PLD2: variants seen among roughly 807,000 people sequenced by gnomAD.
The protein encoded by PLD2 is choline phosphatase 2.
A neutral mutation model predicts 119.8 loss-of-function variants in PLD2; 101 were observed. The ratio of observed to expected loss-of-function variants is 0.84; its 90% CI spans 0.72 to 0.99. The LOEUF (loss-of-function observed/expected upper bound fraction) is 0.99. Among genes scored for constraint, PLD2 ranks in the 50% least tolerant of loss-of-function variants. The pLI, the probability that PLD2 is intolerant of heterozygous loss-of-function variation, is 0.00. For missense variants in PLD2, 1,164 were observed against 1,226.8 expected, an observed-to-expected ratio of 0.95 and a Z score of 0.76; for synonymous variants, 494 against 482.8, an observed-to-expected ratio of 1.02 and a Z score of -0.30.
At position 4,808,670 on chromosome 17, in the gene PLD2, G is replaced by T. The variant is rs1251736120; in HGVS notation, c.383+254G>T. On this transcript the variant is annotated intron_variant, in intron 4 of 24. Transcript: ENST00000263088. This position sits in a 1 kb window ranked among gnomAD's most constrained non-coding sequence, Gnocchi z 4.1. ...TTTTCTAGTCTCCATTCCCAGGGTA[G>T]GGGGCCTCCGTTTTGCCAGCCTCTA... 6.6e-6 allele frequency among the ~76,000 whole-genome samples: 1 copy of T among 152,132 alleles called. No homozygotes were observed. The highest frequency in any genetic ancestry group is 1.5e-5 in the Non-Finnish European group (1 of 68,016).
intron 24 of PLD2, 80 bp downstream of exon 24, chr17:4,821,987 C>A: frequency 2.3e-6 from 2 of 857,018 alleles, no homozygotes; most frequent in Non-Finnish European, 2.0e-6. Flanking sequence ...TGGAGAGAAG[C>A]GCCACCATAC....
At chr17:4,811,353 T>A (rs1906456143) in intron 10 of PLD2, among the ~76,000 whole-genome samples, 2 of 142,628 alleles carry the variant, frequency 1.4e-5, no homozygotes, top group South Asian at 4.5e-4. Context: ...CTCGGCTCAC[T>A]GCAACCTCCG....
At chr17:4,813,099 C>T (rs1227367048) in intron 10 of PLD2, among the ~76,000 whole-genome samples, 1 of 151,982 alleles carries the variant, frequency 6.6e-6, no homozygotes, top group Non-Finnish European at 1.5e-5. Flanking sequence ...AGTCTCTGCC[C>T]CCTGGGTTCA....
intron 17 of PLD2, 161 bp downstream of exon 17, chr17:4,817,420 T>C (rs1378898966): frequency 1.6e-6 from 1 of 636,046 alleles, no homozygotes; most frequent in African/African-American, 1.8e-5. Flanking sequence ...CCCAGCACTT[T>C]GGAAGGCCAA....
rs150892410 is a variant in PLD2 at position 4,818,882 on chromosome 17, G to A, written c.2173+59G>A. Reference sequence around the variant, plus strand: ...GCCCCTGGGAGAGGGAGATTGGGGCGCTGCAGGCCTGGGGGTGGGGGAAGG... The same window carrying A: ...GCCCCTGGGAGAGGGAGATTGGGGCACTGCAGGCCTGGGGGTGGGGGAAGG... On this transcript the variant is annotated intron_variant, in intron 21 of 24. Transcript: ENST00000263088. 257 of 1,564,484 alleles carry A rather than the reference G, an allele frequency of 1.6e-4. No homozygotes were observed. In the African/African-American group the frequency reaches 2.6e-3, roughly 16 times the overall value.
At chr17:4,818,911 C>A in intron 21 of PLD2, 88 bp downstream of exon 21, 2 of 1,493,376 alleles carry the variant, frequency 1.3e-6, no homozygotes, top group Non-Finnish European at 1.8e-6. Context: ...GGGAAGGAGG[C>A]TGTCACTCCT....
Position 4,814,504 on chromosome 17 carries a change from G to C in PLD2, c.1094+3G>C, listed in dbSNP as rs1469114427. On this transcript the variant is annotated splice_donor_region_variant and intron_variant, in intron 11 of 24. Coordinates refer to ENST00000263088, the MANE Select transcript of PLD2 (RefSeq NM_002663.5). ...GAGATTTTCATCACAGACTGGTGGT[G>C]AGTGGGAAAAGGCCCCAACAACATG... 6.2e-7 allele frequency: 1 copy of C among 1,613,056 alleles called. No individual in the cohort carries two copies. Among genetic ancestry groups the C allele is most frequent in the African/African-American group, 1.3e-5 (1 of 74,890 alleles).
chr17:4,821,679 G>C (rs149450316), intron 23 of PLD2, 114 bp from the exon 24 acceptor site: 1 of 720,172 alleles, frequency 1.4e-6, no homozygotes, highest in African/African-American at 1.8e-5. Context: ...ACAGGCGTGA[G>C]CCACCGCACC....
At chr17:4,821,607 C>T in intron 23 of PLD2, 186 bp from the exon 24 acceptor site, 1 of 475,686 alleles carries the variant, frequency 2.1e-6, no homozygotes, top group Non-Finnish European at 3.8e-6. Flanking sequence ...ATTGCCCAGG[C>T]TGGTCTTGAA....
Position 4,818,119 on chromosome 17 carries a change from G to T in PLD2, c.1920+13G>T. 6.3e-7 allele frequency: 1 copy of T among 1,584,296 alleles called. No individual in the cohort carries two copies. Among genetic ancestry groups the T allele is most frequent in the Non-Finnish European group, 8.7e-7 (1 of 1,152,868 alleles). The stretch of plus-strand genomic sequence containing the variant: ...CCTCTACATTGAGGTCTGACTGGGA[G>T]GAGGTGGGGGAGAGCATGGAAGGGG... On this transcript the variant is annotated intron_variant, in intron 18 of 24. Coordinates refer to ENST00000263088, the MANE Select transcript of PLD2 (RefSeq NM_002663.5).
rs1906084588 is a variant in PLD2 at position 4,808,316 on chromosome 17, G to A, written c.283G>A (p.Asp95Asn). 3 of 1,614,054 alleles carry A rather than the reference G, an allele frequency of 1.9e-6. No homozygotes were observed. Among genetic ancestry groups the A allele is most frequent in the Non-Finnish European group, 2.5e-6 (3 of 1,179,972 alleles). The change falls in exon 4 of 25, where the codon GAC (aspartate) becomes AAC (asparagine). Residue 95 changes from aspartate (D) to asparagine (N), a missense_variant. Asp to Asn is a conservative substitution (Grantham distance 23, BLOSUM62 1). Coordinates refer to ENST00000263088, the MANE Select transcript of PLD2 (RefSeq NM_002663.5). This position sits in a 1 kb window ranked among gnomAD's most constrained non-coding sequence, Gnocchi z 4.1. The stretch of plus-strand genomic sequence containing the variant: ...GTATTCTGTCCGCTTGACTCACGGC[G>A]ACTTTTCCTGGACAACCAAGAAGAA... ...TLYSVRLTHG[D>N]FSWTTKKKYR... is the part of the protein sequence containing the mutation.
At position 4,819,015 on chromosome 17, in the gene PLD2, A is replaced by G. The variant is rs1349866595; in HGVS notation, c.2174-69A>G. ...CTATGTAGGAAGAGTTTCTGGAGTG[A>G]GAGGAGGTGGGACAGGGCCCTGTGC... On this transcript the variant is annotated intron_variant, in intron 21 of 24. Transcript: ENST00000263088. The surrounding 1 kb of genome is among the most constrained non-coding windows in gnomAD (Gnocchi z 4.2). 10 of 1,593,002 alleles carry G rather than the reference A, an allele frequency of 6.3e-6. No homozygotes were observed. Among genetic ancestry groups the G allele is most frequent in the Non-Finnish European group, 7.7e-6 (9 of 1,166,962 alleles).
At position 4,808,056 on chromosome 17, in the gene PLD2, C is replaced by G. The variant is rs1350356576; in HGVS notation, c.182C>G (p.Pro61Arg). 2 of 1,612,324 alleles carry G rather than the reference C, an allele frequency of 1.2e-6. No homozygotes were observed. Among genetic ancestry groups the G allele is most frequent in the South Asian group, 1.1e-5 (1 of 91,020 alleles). ...SLKVHPLVFA[P>R]GVPVTAQVVG... Reference sequence around the variant, plus strand: ...AAAGTGCACCCCTTGGTGTTCGCACCTGGGGTCCCTGTCACAGCCCAGGTG... The same window carrying G: ...AAAGTGCACCCCTTGGTGTTCGCACGTGGGGTCCCTGTCACAGCCCAGGTG... Residue 61 changes from proline (P) to arginine (R), a missense_variant, in exon 3 of 25, where the codon CCT becomes CGT. Physicochemically the swap from Pro to Arg is moderately radical, Grantham distance 103. Transcript: ENST00000263088. This position sits in a 1 kb window ranked among gnomAD's most constrained non-coding sequence, Gnocchi z 4.1.
chr17:4,817,485 AC>A (rs1200710078), intron 17 of PLD2: 1 of 534,922 alleles, frequency 1.9e-6, no homozygotes, highest in Non-Finnish European at 3.4e-6. Context: ...ACATGGTGAA[AC>A]CCCATCTCTA....
intron 10 of PLD2, among the ~76,000 whole-genome samples, chr17:4,812,208 C>A (rs1335096008): frequency 1.3e-5 from 2 of 151,714 alleles, no homozygotes; most frequent in African/African-American, 4.8e-5. Context: ...CCTCAGCCTC[C>A]CAGGTTCAAG....
chr17:4,818,654 G>A (rs762270068), intron 20 of PLD2, 47 bp downstream of exon 20: 21 of 1,528,864 alleles, frequency 1.4e-5, no homozygotes, highest in East Asian at 9.0e-5. Context: ...CATCCCACCC[G>A]TGTCCCCCTC....
chr17:4,813,719 C>T (rs542108832), intron 10 of PLD2, among the ~76,000 whole-genome samples: 10 of 152,168 alleles, frequency 6.6e-5, no homozygotes, highest in Non-Finnish European at 1.3e-4. Context: ...ATTAGCCAGG[C>T]GTGGTGGCGG....
Position 4,815,931 on chromosome 17 carries a change from C to A in PLD2, c.1452C>A (p.Ser484=), listed in dbSNP as rs773976358. The A allele has an allele frequency of 1.1e-5, 17 of 1,610,378 alleles. No individual in the cohort carries two copies. Among genetic ancestry groups the A allele is most frequent in the Non-Finnish European group, 1.4e-5 (16 of 1,176,728 alleles). The change falls in exon 14 of 25, where the codon TCC becomes TCA. Residue 484 remains serine, a synonymous_variant. Coordinates refer to ENST00000263088, the MANE Select transcript of PLD2 (RefSeq NM_002663.5). ...DLGDSSESAA[S]QPPTPRPDSP... ...GAGACTCCTCTGAATCAGCTGCCTCCCAGGTAATCCCCCTGAGGCCTTCCT... is the reference window on the plus strand; with the variant it reads ...GAGACTCCTCTGAATCAGCTGCCTCACAGGTAATCCCCCTGAGGCCTTCCT...
In PLD2 at chr17:4,822,879, A is replaced by AGGGAGAGGTCAGCAG; in HGVS notation, c.*26_*27insGCAGGGGAGAGGTCA. The AGGGAGAGGTCAGCAG allele has an allele frequency of 6.9e-7, 1 of 1,451,030 alleles. No homozygotes were observed. Among genetic ancestry groups the AGGGAGAGGTCAGCAG allele is most frequent in the Non-Finnish European group, 9.6e-7 (1 of 1,036,632 alleles). The allele number at this position is 1,451,030 out of a possible 1,614,324, so 89.9% of individuals were successfully genotyped here. ...TGTGGACATAGTTGAGGCCCCCGTC[A>AGGGAGAGGTCAGCAG]GGGAGAGGTCACCAGCTGCTGTGCC... is the stretch of plus-strand genomic sequence containing the variant. On this transcript the variant is annotated 3_prime_UTR_variant, in exon 25 of 25. Transcript: ENST00000263088.
Sources: gnomAD v4.1 joint callset for allele counts (sites outside exome capture counted in the v4.1 genomes callset) on GRCh38, gnomAD v4.1.1 for gene constraint, Gnocchi (gnomAD v3.1) non-coding constraint, MANE v1.5 for transcripts, NCBI Gene and HGNC (gene_info 2026-07-23, HGNC 2026-07-21) for gene names.